The following HMGXB4 variants were observed in gnomAD, a reference collection of about 807,000 sequenced individuals.
The protein encoded by HMGXB4 is HMG domain-containing protein 4.
HMGXB4 carries 27 observed loss-of-function variants against 63.9 expected under a neutral mutation model. The observed-to-expected ratio is 0.42, with a 90% confidence interval of 0.31 to 0.58. The LOEUF (loss-of-function observed/expected upper bound fraction) is 0.58, where lower values mean the gene tolerates loss of function less well. HMGXB4 is among the 20% of genes least tolerant of loss of function. HMGXB4 has a pLI of 0.13. For missense variants in HMGXB4, 624 were observed against 700.7 expected (o/e 0.89, Z 1.24); for synonymous variants, 264 against 265.3 (o/e 0.99, Z 0.05).
At chr22:35,279,431 G>T (rs1031718593) in intron 5 of HMGXB4, among the ~76,000 whole-genome samples, 1 of 151,882 alleles carries the variant, frequency 6.6e-6, no homozygotes, top group Non-Finnish European at 1.5e-5. Flanking sequence ...GAGCCACTGC[G>T]CCCGGTGTCT....
intron 5 of HMGXB4, among the ~76,000 whole-genome samples, chr22:35,281,082 A>G (rs553460215): frequency 2.0e-5 from 3 of 152,378 alleles, no homozygotes; most frequent in Non-Finnish European, 2.9e-5. Context: ...AATGAATAGT[A>G]GAATACTTTA....
At chr22:35,280,814 AC>A (rs1924199283) in intron 5 of HMGXB4, among the ~76,000 whole-genome samples, 1 of 151,992 alleles carries the variant, frequency 6.6e-6, no homozygotes, top group East Asian at 1.9e-4. Flanking sequence ...ACTCTTAACC[AC>A]CCTTCATCTG....
chr22:35,246,735 G>A, the HMGXB4 span, among the ~76,000 whole-genome samples: 2 of 152,206 alleles, frequency 1.3e-5, no homozygotes, highest in Non-Finnish European at 2.9e-5. Flanking sequence ...AACTTCTTCA[G>A]GTCCTGAGGT....
intron 5 of HMGXB4, among the ~76,000 whole-genome samples, chr22:35,273,887 G>A (rs143894464): frequency 5.4e-4 from 83 of 152,306 alleles, no homozygotes; most frequent in African/African-American, 1.9e-3. Context: ...GCTTAAAATG[G>A]GGAATTAGCA....
At chr22:35,247,288 C>T in the HMGXB4 span, among the ~76,000 whole-genome samples, 1 of 152,204 alleles carries the variant, frequency 6.6e-6, no homozygotes, top group Non-Finnish European at 1.5e-5. Flanking sequence ...GGGCTAATTT[C>T]CCTCACTCCC....
At chr22:35,285,247 A>C (rs1322353838) in intron 6 of HMGXB4, among the ~76,000 whole-genome samples, 3 of 152,150 alleles carry the variant, frequency 2.0e-5, no homozygotes, top group Non-Finnish European at 2.9e-5. Flanking sequence ...CTCTACAAAT[A>C]ATAATTTTAA....
chr22:35,256,716 G>A (rs574434149), upstream of HMGXB4, among the ~76,000 whole-genome samples: 1 of 152,194 alleles, frequency 6.6e-6, no homozygotes, highest in Admixed American at 6.5e-5. Flanking sequence ...GGTCAGGCTG[G>A]TCTCGAACTC....
At position 35,278,546 on chromosome 22, in the gene HMGXB4, GTGAC is replaced by G. The variant is rs574305014; in HGVS notation, c.1216-5412_1216-5409del. Among the ~76,000 whole-genome samples the G allele has an allele frequency of 1.1e-3, 175 of 152,254 alleles. 1 individual carries two copies. Among genetic ancestry groups the G allele is most frequent in the African/African-American group, 4.0e-3 (168 of 41,536 alleles). ...CAATATATCTTGCCTGAAAGAATGA[GTGAC>G]TGAATATTCTTAGGAATGAGTCTAC... On this transcript the variant is annotated intron_variant, in intron 5 of 10. Transcript: ENST00000216106.
At position 35,295,625 on chromosome 22, in the gene HMGXB4, T is replaced by C. The variant is rs1925215707; in HGVS notation, c.*1974T>C. ...ACACATTTGTATAATAATCTGTACC[T>C]TGTGGTATTTGGTACTATTAGAGGA... On this transcript the variant is annotated 3_prime_UTR_variant, in exon 11 of 11. Coordinates refer to ENST00000216106, the MANE Select transcript of HMGXB4 (RefSeq NM_001003681.3). 6.5e-6 allele frequency: 1 copy of C among 152,682 alleles called. No individual in the cohort carries two copies. The highest frequency in any genetic ancestry group is 2.4e-5 in the African/African-American group (1 of 41,470). The allele number at this position is 152,682 out of a possible 1,614,324, so 9.5% of individuals were successfully genotyped here.
chr22:35,248,672 TA>T, the HMGXB4 span, among the ~76,000 whole-genome samples: 1 of 152,054 alleles, frequency 6.6e-6, no homozygotes, highest in African/African-American at 2.4e-5. Flanking sequence ...CCCAAAGTGC[TA>T]GGATTACAGG....
the HMGXB4 span, among the ~76,000 whole-genome samples, chr22:35,248,291 C>T: frequency 6.6e-6 from 1 of 151,822 alleles, no homozygotes; most frequent in African/African-American, 2.4e-5. Context: ...GCAGGCTTTA[C>T]AGGAAGCATG....
chr22:35,257,257 C>G (rs113495504), upstream of HMGXB4, among the ~76,000 whole-genome samples: 2 of 152,330 alleles, frequency 1.3e-5, no homozygotes, highest in African/African-American at 4.8e-5. Context: ...CAGCCTGGTT[C>G]TCTTCTGCAA....
intron 5 of HMGXB4, among the ~76,000 whole-genome samples, chr22:35,281,518 T>C (rs566731336): frequency 4.3e-4 from 66 of 152,364 alleles, no homozygotes; most frequent in Middle Eastern, 6.8e-3. Context: ...GTGACAGCTA[T>C]AGTTAGCCTT....
At chr22:35,245,853 T>C in the HMGXB4 span, among the ~76,000 whole-genome samples, 1 of 152,042 alleles carries the variant, frequency 6.6e-6, no homozygotes, top group South Asian at 2.1e-4. Context: ...CTCTCCTGGG[T>C]GGGAGAGGCA....
upstream of HMGXB4, among the ~76,000 whole-genome samples, chr22:35,255,332 C>CA (rs948253809): frequency 9.3e-5 from 14 of 151,206 alleles, no homozygotes; most frequent in East Asian, 5.8e-4. Context: ...AAAAAAACAA[C>CA]AAAAAAAACC....
intron 5 of HMGXB4, among the ~76,000 whole-genome samples, chr22:35,282,526 C>T (rs1443124803): frequency 1.3e-5 from 2 of 152,166 alleles, no homozygotes; most frequent in Non-Finnish European, 2.9e-5. Flanking sequence ...GACGGAGAAT[C>T]ATATTTTGAT....
chr22:35,284,464 T>C (rs368909771), intron 6 of HMGXB4, among the ~76,000 whole-genome samples: 6 of 152,300 alleles, frequency 3.9e-5, no homozygotes, highest in African/African-American at 1.4e-4. Flanking sequence ...ATACTGTAAG[T>C]CAAAAATGCA....
At chr22:35,244,080 T>C in the HMGXB4 span, among the ~76,000 whole-genome samples, 4 of 152,194 alleles carry the variant, frequency 2.6e-5, no homozygotes, top group Non-Finnish European at 4.4e-5. Flanking sequence ...CCTTCTTGAA[T>C]ATTTAAGCTT....
rs1923075787 is a variant in HMGXB4 at position 35,264,696 on chromosome 22, C to T, written c.308C>T (p.Pro103Leu). 1.9e-6 allele frequency: 3 copies of T among 1,598,760 alleles called. No individual in the cohort carries two copies. The highest frequency in any genetic ancestry group is 2.3e-5 in the South Asian group (2 of 88,276). The stretch of plus-strand genomic sequence containing the variant: ...CAGAAGAAAAAGAAAAAGTCCAGCC[C>T]ACAGTCTACTGATACAGCTATGGAC... ...SSQKKKKKSS[P>L]QSTDTAMDLL... The change falls in exon 5 of 11, where the codon CCA becomes CTA. Residue 103 changes from proline (P) to leucine (L), a missense_variant. Transcript: ENST00000216106.
Sources: gnomAD v4.1 joint callset for allele counts (sites outside exome capture counted in the v4.1 genomes callset) on GRCh38, gnomAD v4.1.1 for gene constraint, MANE v1.5 for transcripts, NCBI Gene and HGNC (gene_info 2026-07-23, HGNC 2026-07-21) for gene names.